Variants in ADRA1A observed in about 807,000 individuals in gnomAD.
ADRA1A encodes adrenoceptor alpha 1A, also known as alpha-1A adrenergic receptor.
Under a neutral mutation model 29.6 loss-of-function variants are expected in ADRA1A, and 31 were observed. The observed-to-expected ratio is 1.05, with a 90% CI of 0.79 to 1.41. The LOEUF (loss-of-function observed/expected upper bound fraction) is 1.41, where lower values mean the gene tolerates loss of function less well. ADRA1A is among the 40% of genes most tolerant of loss of function. The probability of loss-of-function intolerance (pLI) is 0.00; values close to 1 mark genes in which losing one functional copy is unlikely to be tolerated. For synonymous variants in ADRA1A, 311 were observed against 254.3 expected, an observed-to-expected ratio of 1.22 and a Z score of -2.12; for missense variants, 619 against 601.1, an observed-to-expected ratio of 1.03 and a Z score of -0.31.
chr8:26,839,955 A>G (rs373993386), intron 2 of ADRA1A, among the ~76,000 whole-genome samples: 7 of 152,294 alleles, frequency 4.6e-5, no homozygotes, highest in African/African-American at 1.7e-4. Flanking sequence ...TGTTCTCTAT[A>G]GGAGACACCT....
At chr8:26,813,639 G>A (rs1809568173) in intron 2 of ADRA1A, among the ~76,000 whole-genome samples, 1 of 152,076 alleles carries the variant, frequency 6.6e-6, no homozygotes, top group African/African-American at 2.4e-5. Flanking sequence ...CAGTGATATG[G>A]AATTCATACA....
chr8:26,832,473 C>T (rs1002274959), intron 2 of ADRA1A, among the ~76,000 whole-genome samples: 2 of 152,110 alleles, frequency 1.3e-5, no homozygotes, highest in African/African-American at 4.8e-5. Context: ...AGACTACAGA[C>T]ACCGTTCAGA....
chr8:26,817,186 T>C (rs1809830132), intron 2 of ADRA1A, among the ~76,000 whole-genome samples: 2 of 152,166 alleles, frequency 1.3e-5, no homozygotes, highest in Admixed American at 1.3e-4. Context: ...AACGAAGTAA[T>C]AAGAAAACAG....
At chr8:26,762,955 C>T (rs748249074), downstream of ADRA1A, among the ~76,000 whole-genome samples, 5 of 152,102 alleles carry the variant, frequency 3.3e-5, no homozygotes, top group Admixed American at 1.3e-4. The surrounding 1 kb of genome is among the most constrained non-coding windows in gnomAD (Gnocchi z 4.0). Context: ...CTCAGGGAAA[C>T]ATGAATCTGG....
rs776698414 is a variant in ADRA1A at position 26,833,288 on chromosome 8, C to T, written c.883+30799G>A. Among the ~76,000 whole-genome samples, 4 of 152,258 alleles carry T rather than the reference C, an allele frequency of 2.6e-5. No individual in the cohort carries two copies. In the East Asian group the frequency reaches 7.7e-4, roughly 29 times the overall value. On this transcript the variant is annotated intron_variant, in intron 2 of 2. Transcript: ENST00000380573. ...TTGACCTCGCCACATGGAAGCCATGCAACCCAGCCCCCCATCGTCTTAGCT... is the reference window on the plus strand; with the variant it reads ...TTGACCTCGCCACATGGAAGCCATGTAACCCAGCCCCCCATCGTCTTAGCT...
rs1813397013 is a variant in ADRA1A, at chr8:26,860,836, TC to T, written c.883+3250del. On this transcript the variant is annotated intron_variant, in intron 2 of 2. Coordinates refer to ENST00000380573, the MANE Select transcript of ADRA1A (RefSeq NM_000680.4). This position sits in a 1 kb window ranked among gnomAD's most constrained non-coding sequence, Gnocchi z 4.7. ...TCAGTGCCTCTCTCTATCCCATCGTTCCCATCAGAATATAAATATCATGTCA... is the reference window on the plus strand; with the variant it reads ...TCAGTGCCTCTCTCTATCCCATCGTTCCATCAGAATATAAATATCATGTCA... Among the ~76,000 whole-genome samples, 1 of 152,046 alleles carries T rather than the reference TC, an allele frequency of 6.6e-6. No individual in the cohort carries two copies. Among genetic ancestry groups the T allele is most frequent in the African/African-American group, 2.4e-5 (1 of 41,400 alleles).
At chr8:26,749,423 C>A (rs1804828098) in intron 2 of ADRA1A, among the ~76,000 whole-genome samples, 1 of 152,246 alleles carries the variant, frequency 6.6e-6, no homozygotes, top group African/African-American at 2.4e-5. Context: ...GATGTTCTAG[C>A]ATGTTAGCTT....
At position 26,805,855 on chromosome 8, in the gene ADRA1A, G is replaced by A. The variant is rs1808934709; in HGVS notation, c.884-35189C>T. 6.6e-6 allele frequency among the ~76,000 whole-genome samples: 1 copy of A among 151,950 alleles called. No individual in the cohort carries two copies. Among genetic ancestry groups the A allele is most frequent in the African/African-American group, 2.4e-5 (1 of 41,364 alleles). On this transcript the variant is annotated intron_variant, in intron 2 of 2. Transcript: ENST00000380573. The surrounding 1 kb of genome is among the most constrained non-coding windows in gnomAD (Gnocchi z 4.8). ...CCACATAGATTTGGCATTATTAACAGAGCCAAAGCCAAGTGACGTTGGCCC... is the reference window on the plus strand; with the variant it reads ...CCACATAGATTTGGCATTATTAACAAAGCCAAAGCCAAGTGACGTTGGCCC...
chr8:26,769,299 C>A lies in ADRA1A; in HGVS notation c.*850G>T, dbSNP rs1247511251. On this transcript the variant is annotated 3_prime_UTR_variant, in exon 3 of 3. Transcript: ENST00000380573. ...GCAAGAAATTAACAGCCACACCAAC[C>A]TCTTGCTCTTTAAAGATATTAGAGA... 8.1e-6 allele frequency: 8 copies of A among 985,242 alleles called. No homozygotes were observed. Among genetic ancestry groups the A allele is most frequent in the Non-Finnish European group, 9.6e-6 (8 of 829,884 alleles). The allele number at this position is 985,242 out of a possible 1,614,324, so 61.0% of individuals were successfully genotyped here.
chr8:26,752,380 G>A (rs986849262), downstream of ADRA1A, among the ~76,000 whole-genome samples: 3 of 152,268 alleles, frequency 2.0e-5, no homozygotes, highest in African/African-American at 7.2e-5. Flanking sequence ...ATGCAAATGA[G>A]GTCTTTACCT....
chr8:26,782,320 T>C (rs566723855), intron 2 of ADRA1A, among the ~76,000 whole-genome samples: 2 of 152,316 alleles, frequency 1.3e-5, no homozygotes, highest in East Asian at 3.9e-4. Flanking sequence ...ATAATACATA[T>C]ATATAGGAAT....
At chr8:26,748,330 G>A (rs546240661) in exon 3 of ADRA1A, 1 of 171,278 alleles carries the variant, frequency 5.8e-6, no homozygotes. Flanking sequence ...AGTGGTTGGG[G>A]TCTTACCCCA....
chr8:26,750,633 G>T (rs576772787), intron 2 of ADRA1A, among the ~76,000 whole-genome samples: 1 of 152,326 alleles, frequency 6.6e-6, no homozygotes, highest in East Asian at 1.9e-4. Flanking sequence ...ATTTTGGAGG[G>T]ACACAAACAT....
At position 26,769,269 on chromosome 8, in the gene ADRA1A, T is replaced by C; in HGVS notation, c.*880A>G. The stretch of plus-strand genomic sequence containing the variant: ...CTGTGCAGTAAGTGAACAGCCTCTA[T>C]CTTTGCAAGAAATTAACAGCCACAC... On this transcript the variant is annotated 3_prime_UTR_variant, in exon 3 of 3. Transcript: ENST00000380573. The C allele has an allele frequency of 5.1e-6, 5 of 985,454 alleles. No individual in the cohort carries two copies. Among genetic ancestry groups the C allele is most frequent in the Non-Finnish European group, 6.0e-6 (5 of 829,938 alleles). The allele number at this position is 985,454 out of a possible 1,614,324, so 61.0% of individuals were successfully genotyped here. A position where few individuals can be genotyped will look rare whatever the true frequency, so the allele number is the denominator to read the frequency against.
rs1001270802 is a variant in ADRA1A, at chr8:26,831,430, A to C, written c.883+32657T>G. Among the ~76,000 whole-genome samples the C allele has an allele frequency of 6.6e-6, 1 of 152,140 alleles. No individual in the cohort carries two copies. The highest frequency in any genetic ancestry group is 2.4e-5 in the African/African-American group (1 of 41,440). ...CCTGCTATGCCATGGCCAGTGCTCA[A>C]GTGGGCAGACTGATACTGAGCTCTG... On this transcript the variant is annotated intron_variant, in intron 2 of 2. Transcript: ENST00000380573. This position sits in a 1 kb window ranked among gnomAD's most constrained non-coding sequence, Gnocchi z 5.2.
chr8:26,756,902 A>AT (rs1363510285), intron 2 of ADRA1A: 3 of 1,429,792 alleles, frequency 2.1e-6, no homozygotes, highest in Middle Eastern at 1.8e-4. Context: ...TCCAAACCCA[A>AT]TGTGTCCATT....
Position 26,831,164 on chromosome 8 carries a change from T to C in ADRA1A, c.883+32923A>G, listed in dbSNP as rs941878884. Among the ~76,000 whole-genome samples the C allele has an allele frequency of 1.3e-5, 2 of 152,194 alleles. No individual in the cohort carries two copies. On this transcript the variant is annotated intron_variant, in intron 2 of 2. Transcript: ENST00000380573. The surrounding 1 kb of genome is among the most constrained non-coding windows in gnomAD (Gnocchi z 5.2). ...AAAGGCAAGATCCCCTGCTGACTTG[T>C]CAAACTCTCATATGGATGTTAAGAA...
At chr8:26,837,293 T>C (rs1333299604) in intron 2 of ADRA1A, among the ~76,000 whole-genome samples, 1 of 152,182 alleles carries the variant, frequency 6.6e-6, no homozygotes, top group Non-Finnish European at 1.5e-5. Flanking sequence ...AGAGTCTATA[T>C]GAAGAAGCAC....
chr8:26,785,610 A>C (rs1169222358), intron 2 of ADRA1A, among the ~76,000 whole-genome samples: 1 of 151,816 alleles, frequency 6.6e-6, no homozygotes, highest in Non-Finnish European at 1.5e-5. Context: ...CAGAAACCCT[A>C]CTCTAAAAAA....
Sources: allele counts gnomAD v4.1 joint callset (sites outside exome capture counted in the v4.1 genomes callset), GRCh38; gene constraint gnomAD v4.1.1; non-coding constraint Gnocchi (gnomAD v3.1); transcripts MANE v1.5; gene names NCBI Gene and HGNC (gene_info 2026-07-23, HGNC 2026-07-21).